EYS: variants seen among roughly 807,000 people sequenced by gnomAD.
EYS encodes protein eyes shut homolog.
EYS carries 250 observed loss-of-function variants against 282.1 expected under a neutral mutation model. The observed-to-expected ratio is 0.89, with a 90% CI of 0.80 to 0.98. The LOEUF is 0.98. EYS is among the 50% of genes least tolerant of loss of function. EYS has a pLI of 0.00. For missense variants in EYS, 4,016 were observed against 3,709.0 expected (o/e 1.08, Z -2.15); for synonymous variants, 1,355 against 1,282.9 (o/e 1.06, Z -1.20).
intron 33 of EYS, among the ~76,000 whole-genome samples, chr6:64,033,704 A>G (rs1021666333): frequency 1.6e-4 from 24 of 152,090 alleles, no homozygotes; most frequent in African/African-American, 5.8e-4. Flanking sequence ...AAACAAATTT[A>G]AAATTATTAG....
rs151198612 is a variant in EYS at position 63,970,821 on chromosome 6, G to C, written c.7055+13562C>G. On this transcript the variant is annotated intron_variant, in intron 35 of 42. Transcript: ENST00000503581. ...ACTTATTTTTATTTAAAAATGATGA[G>C]AGGAAGGAAACTGGAAGACAATTTT... is the stretch of plus-strand genomic sequence containing the variant. Among the ~76,000 whole-genome samples the C allele has an allele frequency of 1.6e-3, 251 of 152,226 alleles. 2 individuals are homozygous for C. In the East Asian group the frequency reaches 0.036, roughly 22 times the overall value.
chr6:65,046,723 T>C (rs1292193606), intron 13 of EYS, among the ~76,000 whole-genome samples: 1 of 151,928 alleles, frequency 6.6e-6, no homozygotes, highest in African/African-American at 2.4e-5. Context: ...GGAAAATGTA[T>C]ATTCATTTAA....
At chr6:65,502,324 G>C (rs1766483685) in intron 2 of EYS, among the ~76,000 whole-genome samples, 1 of 151,564 alleles carries the variant, frequency 6.6e-6, no homozygotes, top group South Asian at 2.1e-4. Flanking sequence ...CAAAGAAGTT[G>C]AAAAATTACA....
chr6:64,228,693 C>A (rs1766326063), intron 31 of EYS, among the ~76,000 whole-genome samples: 1 of 151,996 alleles, frequency 6.6e-6, no homozygotes, highest in African/African-American at 2.4e-5. Flanking sequence ...ATTTCTACAG[C>A]AAAAATAGGA....
chr6:65,340,942 G>A (rs77003293), intron 10 of EYS, among the ~76,000 whole-genome samples: 272 of 151,082 alleles, frequency 1.8e-3, no homozygotes, highest in Non-Finnish European at 2.8e-3. Context: ...CTGTGAAAGT[G>A]ACATAGGTAC....
chr6:64,134,107 A>G (rs1448390936), intron 31 of EYS, among the ~76,000 whole-genome samples: 12 of 152,122 alleles, frequency 7.9e-5, no homozygotes, highest in African/African-American at 2.9e-4. Context: ...GGTACCTAAC[A>G]AAGTGTGAGA....
intron 37 of EYS, among the ~76,000 whole-genome samples, chr6:63,790,157 A>C (rs1770473480): frequency 3.3e-5 from 5 of 152,224 alleles, no homozygotes; most frequent in Admixed American, 3.3e-4. Flanking sequence ...GAAAAAGCTG[A>C]ATTGAGTCCT....
chr6:64,657,822 A>T (rs1055317445), intron 22 of EYS, among the ~76,000 whole-genome samples: 2 of 150,906 alleles, frequency 1.3e-5, no homozygotes, highest in African/African-American at 4.8e-5. Context: ...TGAATCTGAC[A>T]ATTATGTGTC....
At chr6:64,093,101 C>A (rs956553620) in intron 31 of EYS, among the ~76,000 whole-genome samples, 2 of 152,110 alleles carry the variant, frequency 1.3e-5, no homozygotes, top group South Asian at 2.1e-4. Flanking sequence ...GTGTTCTGTT[C>A]CATTGGTCTA....
chr6:64,591,644 G>T lies in EYS; in HGVS notation c.4223C>A (p.Ser1408Tyr). 6.4e-7 allele frequency: 1 copy of T among 1,551,226 alleles called. No homozygotes were observed. Among genetic ancestry groups the T allele is most frequent in the Non-Finnish European group, 8.7e-7 (1 of 1,146,728 alleles). ...AGTCTGACAGTTCTCAAATAATAAA[G>T]ATTGTGTAGGAAAAATAAAATCTGA... ...LMSDFIFPTQ[S>Y]LLFENCQTVA... Residue 1408 changes from serine (S) to tyrosine (Y), a missense_variant, in exon 26 of 43, where the codon TCT becomes TAT. Transcript: ENST00000503581.
intron 32 of EYS, among the ~76,000 whole-genome samples, chr6:64,080,989 G>C (rs537991140): frequency 6.6e-6 from 1 of 151,892 alleles, no homozygotes; most frequent in African/African-American, 2.4e-5. Flanking sequence ...GTCAGGTAGC[G>C]TGATGCCTCC....
At chr6:65,443,424 A>G (rs895711560) in intron 5 of EYS, among the ~76,000 whole-genome samples, 2 of 143,614 alleles carry the variant, frequency 1.4e-5, no homozygotes, top group African/African-American at 2.4e-5. Flanking sequence ...CCATATATGT[A>G]CATATATGTA....
chr6:65,675,934 C>A (rs1318043193), intron 1 of EYS, among the ~76,000 whole-genome samples: 1 of 151,598 alleles, frequency 6.6e-6, no homozygotes, highest in South Asian at 2.1e-4. Flanking sequence ...GAAATCAATA[C>A]AAGAAGGAGA....
Position 65,637,571 on chromosome 6 carries a change from C to T in EYS, c.-333+2207G>A, listed in dbSNP as rs1055447673. Among the ~76,000 whole-genome samples, 7 of 152,318 alleles carry T rather than the reference C, an allele frequency of 4.6e-5. No individual in the cohort carries two copies. In the South Asian group the frequency reaches 1.4e-3, roughly 32 times the overall value. ...CAGCTGTGGCGCTGGACTCTAGCAT[C>T]ACTGCACTCTTGGGGGCCCAGGAAG... is the stretch of plus-strand genomic sequence containing the variant. On this transcript the variant is annotated intron_variant, in intron 2 of 42. Coordinates refer to ENST00000503581, the MANE Select transcript of EYS (RefSeq NM_001142800.2).
At chr6:65,516,317 A>C (rs2127294823) in intron 2 of EYS, among the ~76,000 whole-genome samples, 1 of 152,220 alleles carries the variant, frequency 6.6e-6, no homozygotes, top group East Asian at 1.9e-4. Flanking sequence ...TAATTCTAAG[A>C]ATTTAGGCCT....
chr6:64,026,317 A>G (rs181367226), intron 33 of EYS, among the ~76,000 whole-genome samples: 25 of 152,250 alleles, frequency 1.6e-4, no homozygotes, highest in African/African-American at 4.3e-4. Context: ...CAGGGGGAAG[A>G]AACAAAACAA....
In EYS at chr6:64,822,648, T is replaced by C; in HGVS notation, c.3164+3A>G. ...TAAAGCTAATAATAAAAAAAATAGC[T>C]ACCTTCCATGTAGACAAGGATTTGA... On this transcript the variant is annotated splice_donor_region_variant and intron_variant, in intron 20 of 42. Transcript: ENST00000503581. 1 of 1,521,064 alleles carries C rather than the reference T, an allele frequency of 6.6e-7. No individual in the cohort carries two copies. Among genetic ancestry groups the C allele is most frequent in the Non-Finnish European group, 8.8e-7 (1 of 1,137,958 alleles). The allele number at this position is 1,521,064 out of a possible 1,614,324, so 94.2% of individuals were successfully genotyped here.
intron 30 of EYS, among the ~76,000 whole-genome samples, chr6:64,302,283 C>T (rs1769262872): frequency 1.3e-5 from 2 of 152,188 alleles, no homozygotes; most frequent in Admixed American, 6.5e-5. Context: ...AAGTATCCTG[C>T]AATGCCCAGA....
chr6:64,435,039 C>T (rs142787863), intron 28 of EYS, among the ~76,000 whole-genome samples: 2 of 152,038 alleles, frequency 1.3e-5, no homozygotes, highest in Non-Finnish European at 2.9e-5. Context: ...ATTATTACCT[C>T]GACTGAGATG....
Sources: gnomAD v4.1 joint callset for allele counts (sites outside exome capture counted in the v4.1 genomes callset) on GRCh38, gnomAD v4.1.1 for gene constraint, MANE v1.5 for transcripts, NCBI Gene and HGNC (gene_info 2026-07-23, HGNC 2026-07-21) for gene names.